WNT5A: variants seen among roughly 807,000 people sequenced by gnomAD.
WNT5A encodes the protein Wnt family member 5A.
A neutral mutation model predicts 42.1 loss-of-function variants in WNT5A; 9 were observed. That is an observed-to-expected ratio of 0.21 (90% confidence interval 0.13 to 0.37). The LOEUF (loss-of-function observed/expected upper bound fraction) is 0.37. Ranked by LOEUF, WNT5A falls within the 10% of genes least tolerant of loss-of-function variation. WNT5A has a pLI of 1.00. For missense variants in WNT5A, 426 were observed against 534.0 expected, an observed-to-expected ratio of 0.80 and a Z score of 1.99; for synonymous variants, 210 against 210.0, an observed-to-expected ratio of 1.00 and a Z score of 0.00.
chr3:55,489,365 AG>A (rs924163738), upstream of WNT5A: 1 of 152,220 alleles, frequency 6.6e-6, no homozygotes, highest in African/African-American at 2.4e-5. Context: ...CTTGACCTTA[AG>A]GCGAAAAATC....
Position 55,483,672 on chromosome 3 carries a change from C to T in WNT5A, c.7-2754G>A, listed in dbSNP as rs1303957423. ...GAGGACTGGGGGCGTTTGAGGGGCT[C>T]AGCGCACCAGAGGAGTGAGGTGGAG... On this transcript the variant is annotated intron_variant, in intron 1 of 4. Coordinates refer to ENST00000264634, the MANE Select transcript of WNT5A (RefSeq NM_003392.7). The surrounding 1 kb of genome is among the most constrained non-coding windows in gnomAD (Gnocchi z 4.2). 6.6e-6 allele frequency among the ~76,000 whole-genome samples: 1 copy of T among 152,178 alleles called. No individual in the cohort carries two copies. Among genetic ancestry groups the T allele is most frequent in the African/African-American group, 2.4e-5 (1 of 41,448 alleles).
rs1408503363 is a variant in WNT5A at position 55,466,363 on chromosome 3, C to G, written c.*3729G>C. The G allele has an allele frequency of 6.6e-6, 1 of 152,144 alleles. No individual in the cohort carries two copies. Among genetic ancestry groups the G allele is most frequent in the East Asian group, 1.9e-4 (1 of 5,190 alleles). 9.4% of individuals were successfully genotyped at this position (152,144 alleles called of 1,614,324 possible). ...GCTGCTAACGATCTCTTGGAGTTAG[C>G]TAGTACCGGTCTCTTATTCAGAGTA... On this transcript the variant is annotated 3_prime_UTR_variant, in exon 5 of 5. Transcript: ENST00000264634.
chr3:55,490,502 C>T (rs2051646937), upstream of WNT5A: 1 of 152,456 alleles, frequency 6.6e-6, no homozygotes, highest in Non-Finnish European at 1.5e-5. Context: ...CCCTCTTACA[C>T]ACAACAACAG....
the WNT5A span, among the ~76,000 whole-genome samples, chr3:55,502,311 A>T: frequency 6.6e-6 from 1 of 152,224 alleles, no homozygotes; most frequent in Non-Finnish European, 1.5e-5. Flanking sequence ...ACTGTGACCC[A>T]TGCCTACTGC....
chr3:55,479,176 G>T, intron 3 of WNT5A, 138 bp downstream of exon 3: 1 of 924,594 alleles, frequency 1.1e-6, no homozygotes, highest in Non-Finnish European at 1.5e-6. Flanking sequence ...TTGCTATAAT[G>T]ACAAAAATGC....
chr3:55,498,782 T>C, the WNT5A span, among the ~76,000 whole-genome samples: 19 of 152,122 alleles, frequency 1.2e-4, no homozygotes, highest in African/African-American at 1.9e-4. Context: ...ATTTTTTTTT[T>C]CCCCAATAGA....
chr3:55,488,497 G>A (rs112979012), upstream of WNT5A, among the ~76,000 whole-genome samples: 1 of 118,836 alleles, frequency 8.4e-6, no homozygotes. Context: ...AGAGAGGGAA[G>A]GGGGGGGAAG....
chr3:55,499,963 A>G, the WNT5A span, among the ~76,000 whole-genome samples: 1 of 136,296 alleles, frequency 7.3e-6, no homozygotes, highest in African/African-American at 2.9e-5. Context: ...CAACAGAACG[A>G]GACTCCATCC....
At chr3:55,484,513 C>T (rs1280905482) in intron 1 of WNT5A, among the ~76,000 whole-genome samples, 2 of 152,188 alleles carry the variant, frequency 1.3e-5, no homozygotes, top group Non-Finnish European at 2.9e-5. Context: ...GCGGAGGTTA[C>T]ACCTTGAGCC....
At chr3:55,471,474 G>A (rs1471510950) in intron 4 of WNT5A, among the ~76,000 whole-genome samples, 5 of 152,206 alleles carry the variant, frequency 3.3e-5, no homozygotes, top group Non-Finnish European at 5.9e-5. Context: ...TTCTATCTGC[G>A]AAGGCAGCAG....
intron 3 of WNT5A, among the ~76,000 whole-genome samples, chr3:55,475,781 T>C (rs921494557): frequency 1.3e-5 from 2 of 152,164 alleles, no homozygotes; most frequent in African/African-American, 4.8e-5. Context: ...GGGACCCTAT[T>C]TGTAAGGAGA....
At position 55,468,839 on chromosome 3, in the gene WNT5A, C is replaced by A. The variant is rs2051193619; in HGVS notation, c.*1253G>T. On this transcript the variant is annotated 3_prime_UTR_variant, in exon 5 of 5. Coordinates refer to ENST00000264634, the MANE Select transcript of WNT5A (RefSeq NM_003392.7). The stretch of plus-strand genomic sequence containing the variant: ...TCATAACAGTGATACGCTGCAACAC[C>A]TCTGTGAATTCCATTAGCCAAGTTC... 6.6e-6 allele frequency: 1 copy of A among 152,506 alleles called. No individual in the cohort carries two copies. The highest frequency in any genetic ancestry group is 6.5e-5 in the Admixed American group (1 of 15,286). The allele number at this position is 152,506 out of a possible 1,614,324, so 9.4% of individuals were successfully genotyped here.
chr3:55,504,567 C>T, the WNT5A span, among the ~76,000 whole-genome samples: 4 of 151,714 alleles, frequency 2.6e-5, no homozygotes, highest in Non-Finnish European at 5.9e-5. Context: ...CGGGTTCAAG[C>T]GATTCTCCTG....
At chr3:55,474,300 A>G (rs1159756570) in intron 4 of WNT5A, 37 bp downstream of exon 4, 3 of 1,610,834 alleles carry the variant, frequency 1.9e-6, no homozygotes, top group Non-Finnish European at 2.5e-6. Flanking sequence ...AGGTGAGAAG[A>G]CAGAGATGCG....
At chr3:55,488,681 TCCACTCCGCA>T (rs2051620958), upstream of WNT5A, among the ~76,000 whole-genome samples, 6 of 151,318 alleles carry the variant, frequency 4.0e-5, no homozygotes, top group Non-Finnish European at 8.8e-5. Flanking sequence ...AAGAGAGAGG[TCCACTCCGCA>T]GCCGCTGCCT....
chr3:55,479,237 G>C, intron 3 of WNT5A, 77 bp downstream of exon 3: 1 of 1,415,460 alleles, frequency 7.1e-7, no homozygotes. Context: ...TTTCTATCAA[G>C]CATGAAGTAA....
Position 55,480,662 on chromosome 3 carries a change from T to C in WNT5A, c.140+123A>G, listed in dbSNP as rs528272304. On this transcript the variant is annotated intron_variant, in intron 2 of 4. Transcript: ENST00000264634. ...TAAAACTATATATAAGTAAAATGTA[T>C]ACATATGTCTTGCAATAAATACACC... 9.3e-5 allele frequency: 96 copies of C among 1,036,452 alleles called. No homozygotes were observed. In the African/African-American group the frequency reaches 1.3e-3, roughly 14 times the overall value. The allele number at this position is 1,036,452 out of a possible 1,614,324, so 64.2% of individuals were successfully genotyped here.
chr3:55,486,114 G>A (rs2051573471), intron 1 of WNT5A, among the ~76,000 whole-genome samples: 1 of 152,184 alleles, frequency 6.6e-6, no homozygotes, highest in Non-Finnish European at 1.5e-5. Context: ...ACATACAACT[G>A]ACAATTAAAA....
At chr3:55,476,516 G>A (rs1194695481) in intron 3 of WNT5A, among the ~76,000 whole-genome samples, 1 of 152,186 alleles carries the variant, frequency 6.6e-6, no homozygotes, top group Admixed American at 6.5e-5. Context: ...AGGAGATGAA[G>A]AGGAGATGAA....
Sources: allele counts gnomAD v4.1 joint callset (sites outside exome capture counted in the v4.1 genomes callset), GRCh38; gene constraint gnomAD v4.1.1; non-coding constraint Gnocchi (gnomAD v3.1); transcripts MANE v1.5; gene names NCBI Gene and HGNC (gene_info 2026-07-23, HGNC 2026-07-21).